EIF4G1: variants seen among roughly 807,000 people sequenced by gnomAD.
The protein encoded by EIF4G1 is eukaryotic translation initiation factor 4 gamma 1, also known as EIF4-gamma.
In EIF4G1, 4 loss-of-function variants were observed where a neutral mutation model predicts 187.8. The observed-to-expected ratio is 0.02, with a 90% CI of 0.01 to 0.05. The LOEUF is 0.05. Ranked by LOEUF, EIF4G1 falls within the 10% of genes least tolerant of loss-of-function variation. The pLI, the probability that EIF4G1 is intolerant of heterozygous loss-of-function variation, is 1.00. For missense variants in EIF4G1, 1,647 were observed against 2,081.1 expected, an observed-to-expected ratio of 0.79 and a Z score of 4.06; for synonymous variants, 844 against 781.4, an observed-to-expected ratio of 1.08 and a Z score of -1.34.
chr3:184,319,630 T>A, intron 6 of EIF4G1, 59 bp from the exon 7 acceptor site: 2 of 1,111,348 alleles, frequency 1.8e-6, no homozygotes, highest in Non-Finnish European at 2.7e-6. Context: ...CAGGCAGGCA[T>A]TAGTATATGG....
chr3:184,315,747 C>T lies in EIF4G1; in HGVS notation c.-34-16C>T, dbSNP rs2108456035. The T allele has an allele frequency of 6.5e-7, 1 of 1,544,294 alleles. No individual in the cohort carries two copies. The highest frequency in any genetic ancestry group is 1.4e-5 in the African/African-American group (1 of 73,010). ...TGGGTCCCTTCCTCTTCCTGAGCGC[C>T]ACTCTTTCCCAACAGGTGCTGGGGG... On this transcript the variant is annotated splice_polypyrimidine_tract_variant and intron_variant, in intron 2 of 32. Transcript: ENST00000346169.
Position 184,334,998 on chromosome 3 carries a change from G to A in EIF4G1, c.*90G>A. 6.6e-7 allele frequency: 1 copy of A among 1,521,642 alleles called. No homozygotes were observed. Among genetic ancestry groups the A allele is most frequent in the South Asian group, 1.2e-5 (1 of 86,748 alleles). The allele number at this position is 1,521,642 out of a possible 1,614,324, so 94.3% of individuals were successfully genotyped here. A position where few individuals can be genotyped will look rare whatever the true frequency, so the allele number is the denominator to read the frequency against. On this transcript the variant is annotated 3_prime_UTR_variant, in exon 33 of 33. Coordinates refer to ENST00000346169, the MANE Select transcript of EIF4G1 (RefSeq NM_198241.3). The surrounding 1 kb of genome is among the most constrained non-coding windows in gnomAD (Gnocchi z 5.8). Reference sequence around the variant, plus strand: ...CTGCAGGGGGGCGGCAGCAGCGGCGGTGGCAGTGGGTGCCTGTAGTGTGAT... The same window carrying A: ...CTGCAGGGGGGCGGCAGCAGCGGCGATGGCAGTGGGTGCCTGTAGTGTGAT...
rs1723988542 is a variant in EIF4G1, at chr3:184,322,090, A to G, written c.1506A>G (p.Ala502=). The G allele has an allele frequency of 6.2e-7, 1 of 1,613,952 alleles. No homozygotes were observed. Among genetic ancestry groups the G allele is most frequent in the East Asian group, 2.2e-5 (1 of 44,892 alleles). The change falls in exon 10 of 33, where the codon GCA becomes GCG. Residue 502 remains alanine, a synonymous_variant. Transcript: ENST00000346169. Reference sequence around the variant, plus strand: ...ACTTGTCTCAGAATTTGGAGGCAGCAGCAGCCACTCAAGGTAAGGTGTGGT... The same window carrying G: ...ACTTGTCTCAGAATTTGGAGGCAGCGGCAGCCACTCAAGGTAAGGTGTGGT... ...PANLSQNLEA[A]AATQVAVSVP...
intron 7 of EIF4G1, 74 bp downstream of exon 7, chr3:184,319,875 C>T: frequency 9.1e-7 from 1 of 1,099,074 alleles, no homozygotes; most frequent in Non-Finnish European, 1.4e-6. Context: ...GGACATTGTG[C>T]CGGAAAGAGC....
At chr3:184,328,229 T>C (rs1290772010) in intron 26 of EIF4G1, 1 of 560,818 alleles carries the variant, frequency 1.8e-6, no homozygotes, top group East Asian at 3.3e-5. Flanking sequence ...AAACCCTGTC[T>C]CTACTAATAA....
At chr3:184,328,339 C>CGA (rs1725357751) in intron 26 of EIF4G1, 1 of 490,194 alleles carries the variant, frequency 2.0e-6, no homozygotes, top group East Asian at 4.1e-5. Context: ...TGCAGTGAGC[C>CGA]GAGATCGTGC....
At position 184,334,398 on chromosome 3, in the gene EIF4G1, C is replaced by T. The variant is rs945958360; in HGVS notation, c.4619-329C>T. Among the ~76,000 whole-genome samples, 1 of 152,108 alleles carries T rather than the reference C, an allele frequency of 6.6e-6. No homozygotes were observed. Among genetic ancestry groups the T allele is most frequent in the Non-Finnish European group, 1.5e-5 (1 of 68,032 alleles). ...GACTTTATGTATGATATATATAGGA[C>T]TTTTAGCGATTTCCTGAATTCAGGA... On this transcript the variant is annotated intron_variant, in intron 32 of 32. Coordinates refer to ENST00000346169, the MANE Select transcript of EIF4G1 (RefSeq NM_198241.3). This position sits in a 1 kb window ranked among gnomAD's most constrained non-coding sequence, Gnocchi z 5.8.
intron 4 of EIF4G1, chr3:184,316,584 C>T (rs1722823632): frequency 3.3e-6 from 3 of 917,882 alleles, no homozygotes; most frequent in Non-Finnish European, 5.0e-6. Flanking sequence ...TGGTCCTTGC[C>T]TTTCTCTGTT....
chr3:184,322,483 C>T (rs768343005), intron 11 of EIF4G1, 33 bp downstream of exon 11: 1 of 1,613,814 alleles, frequency 6.2e-7, no homozygotes, highest in Non-Finnish European at 8.5e-7. Flanking sequence ...GGGAGAGGGC[C>T]AAGTTGAGGT....
chr3:184,320,812 G>A, intron 8 of EIF4G1, 90 bp downstream of exon 8: 1 of 1,607,732 alleles, frequency 6.2e-7, no homozygotes, highest in Non-Finnish European at 8.5e-7. Context: ...TCAACTAAGG[G>A]ATTTATTTCC....
rs1217745632 is a variant in EIF4G1 at position 184,315,866 on chromosome 3, G to A, written c.60+10G>A. 9.7e-6 allele frequency: 15 copies of A among 1,546,642 alleles called. No individual in the cohort carries two copies. The highest frequency in any genetic ancestry group is 1.3e-5 in the Non-Finnish European group (15 of 1,143,326). On this transcript the variant is annotated intron_variant, in intron 3 of 32. Coordinates refer to ENST00000346169, the MANE Select transcript of EIF4G1 (RefSeq NM_198241.3). ...CCCCGGACTCCCACAGGTAATTAGGGAGGAATTAGCAGGGGTGGGGGTGGG... is the reference window on the plus strand; with the variant it reads ...CCCCGGACTCCCACAGGTAATTAGGAAGGAATTAGCAGGGGTGGGGGTGGG...
intron 32 of EIF4G1, 70 bp downstream of exon 32, chr3:184,332,156 A>T: frequency 1.3e-6 from 2 of 1,594,598 alleles, no homozygotes; most frequent in Non-Finnish European, 1.7e-6. Flanking sequence ...GAGACCCTTC[A>T]TGGAAGGGTC....
Position 184,321,859 on chromosome 3 carries a change from C to T in EIF4G1, c.1275C>T (p.Ala425=), listed in dbSNP as rs1273352988. 1 of 1,614,082 alleles carries T rather than the reference C, an allele frequency of 6.2e-7. No individual in the cohort carries two copies. ...CAGTCAGTGAGCCAGAGGAGCAGGC[C>T]AAGGAGGTGACAGCATCAATGGCGC... The part of the protein sequence containing the change: ...LSPVSEPEEQ[A]KEVTASMAPP... Residue 425 remains alanine (A), a synonymous_variant, in exon 10 of 33, where the codon GCC becomes GCT. Transcript: ENST00000346169.
At position 184,331,352 on chromosome 3, in the gene EIF4G1, C is replaced by T. The variant is rs750087611; in HGVS notation, c.4248C>T (p.Phe1416=). 1.5e-5 allele frequency: 25 copies of T among 1,614,190 alleles called. No individual in the cohort carries two copies. The highest frequency in any genetic ancestry group is 1.2e-4 in the Admixed American group (7 of 60,020). The part of the protein sequence containing the change: ...FLPEGQDIGA[F]VAEQKVEYTL... Reference sequence around the variant, plus strand: ...CTGAAGGCCAGGACATTGGTGCATTCGTCGCTGAACAGGTTTGGGGATGGA... The same window carrying T: ...CTGAAGGCCAGGACATTGGTGCATTTGTCGCTGAACAGGTTTGGGGATGGA... The change falls in exon 29 of 33, where the codon TTC becomes TTT. Residue 1416 remains phenylalanine, a synonymous_variant. Transcript: ENST00000346169.
At chr3:184,322,771 A>G (rs755550364) in intron 12 of EIF4G1, 41 bp downstream of exon 12, 28 of 1,614,094 alleles carry the variant, frequency 1.7e-5, no homozygotes, top group Non-Finnish European at 2.2e-5. Flanking sequence ...GAGTTTTCTT[A>G]TTAGGGCCAG....
intron 26 of EIF4G1, 28 bp downstream of exon 26, chr3:184,328,030 C>T (rs1340818077): frequency 1.3e-6 from 2 of 1,598,980 alleles, no homozygotes; most frequent in African/African-American, 1.3e-5. Context: ...GGGCCTCCCA[C>T]TTATACAGAC....
At chr3:184,327,006 GTTA>G in intron 23 of EIF4G1, 23 bp downstream of exon 23, 11 of 1,613,930 alleles carry the variant, frequency 6.8e-6, no homozygotes, top group Non-Finnish European at 9.3e-6. Context: ...GGACATCTTT[GTTA>G]TTCACACTGG....
At chr3:184,318,284 A>C (rs1233722112) in intron 6 of EIF4G1, among the ~76,000 whole-genome samples, 1 of 152,204 alleles carries the variant, frequency 6.6e-6, no homozygotes, top group Non-Finnish European at 1.5e-5. Flanking sequence ...ATGTATGCAA[A>C]ATTTAAACAA....
chr3:184,325,472 C>T lies in EIF4G1; in HGVS notation c.2962-8C>T, dbSNP rs773938941. On this transcript the variant is annotated splice_region_variant and splice_polypyrimidine_tract_variant and intron_variant, in intron 19 of 32. Coordinates refer to ENST00000346169, the MANE Select transcript of EIF4G1 (RefSeq NM_198241.3). The surrounding 1 kb of genome is among the most constrained non-coding windows in gnomAD (Gnocchi z 5.2). ...GACATCATCGTGACTGGCCCTCTGT[C>T]TCCACAGAGCAATTGGGTGCCACGC... The T allele has an allele frequency of 1.2e-6, 2 of 1,614,184 alleles. No homozygotes were observed. The highest frequency in any genetic ancestry group is 1.1e-5 in the South Asian group (1 of 91,084).
Sources: gnomAD v4.1 joint callset for allele counts (sites outside exome capture counted in the v4.1 genomes callset) on GRCh38, gnomAD v4.1.1 for gene constraint, Gnocchi (gnomAD v3.1) non-coding constraint, MANE v1.5 for transcripts, NCBI Gene and HGNC (gene_info 2026-07-23, HGNC 2026-07-21) for gene names.